ZGPAT: variants seen among roughly 807,000 people sequenced by gnomAD.
ZGPAT encodes the protein zinc finger CCCH-type with G patch domain-containing protein.
ZGPAT carries 39 observed loss-of-function variants against 47.9 expected under a neutral mutation model. The observed-to-expected ratio is 0.81, with a 90% CI of 0.63 to 1.06. The LOEUF is 1.06. ZGPAT is among the 50% of genes least tolerant of loss of function. The probability of loss-of-function intolerance (pLI) is 0.00; values close to 1 mark genes in which losing one functional copy is unlikely to be tolerated. For missense variants in ZGPAT, 717 were observed against 681.4 expected (o/e 1.05, Z -0.58); for synonymous variants, 348 against 292.9 (o/e 1.19, Z -1.92).
At position 63,708,941 on chromosome 20, in the gene ZGPAT, G is replaced by T. The variant is rs1215257805; in HGVS notation, c.361G>T (p.Glu121Ter). The change falls in exon 2 of 7, where the codon GAA (glutamate) becomes TAA (stop). Residue 121 changes from glutamate (E) to a stop codon, truncating the protein, a stop_gained. Coordinates refer to ENST00000355969, the MANE Select transcript of ZGPAT (RefSeq NM_181485.3). LOFTEE classifies it high-confidence loss of function. ...ATCTGCGGCAGGTGGGCAGGAGGAG[G>T]AAGAGGGAGAGGACGAGGAAGAGCT... ...PESAAGGQEEEEGEDEEELSG... is the reference protein window; with the variant it reads ...PESAAGGQEE 6.2e-7 allele frequency: 1 copy of T among 1,613,008 alleles called. No individual in the cohort carries two copies.
rs569321240 is a variant in ZGPAT at position 63,733,598 on chromosome 20, G to T, written c.730G>T (p.Gly244Cys). Residue 244 changes from glycine (G) to cysteine (C), a missense_variant, in exon 4 of 7, where the codon GGC becomes TGC. Coordinates refer to ENST00000355969, the MANE Select transcript of ZGPAT (RefSeq NM_181485.3). ...GTCTCTGCCCCCAGATGTGGACAAC[G>T]GCTACTACACAGTCAAGTTTGACTC... Reference protein sequence around the residue: ...HAARITDVDNGYYTVKFDSLL... With the variant: ...HAARITDVDNCYYTVKFDSLL... The T allele has an allele frequency of 3.7e-6, 6 of 1,614,122 alleles. No individual in the cohort carries two copies. The highest frequency in any genetic ancestry group is 1.7e-5 in the Admixed American group (1 of 60,022).
Position 63,735,716 on chromosome 20 carries a change from G to A in ZGPAT, c.1398-65G>A, listed in dbSNP as rs1043735945. On this transcript the variant is annotated intron_variant, in intron 6 of 6. Coordinates refer to ENST00000355969, the MANE Select transcript of ZGPAT (RefSeq NM_181485.3). ...CGGGCAGCGGGCACACAGGCAGTGG[G>A]TACGGCAGACTGGGGTTGGTGGCAT... 4.3e-5 allele frequency: 67 copies of A among 1,551,136 alleles called. 1 individual carries two copies. In the South Asian group the frequency reaches 7.0e-4, roughly 16 times the overall value.
chr20:63,708,874 G>T lies in ZGPAT; in HGVS notation c.294G>T (p.Gly98=), dbSNP rs1304500238. 6.2e-7 allele frequency: 1 copy of T among 1,610,760 alleles called. No homozygotes were observed. The highest frequency in any genetic ancestry group is 8.5e-7 in the Non-Finnish European group (1 of 1,178,736). The change falls in exon 2 of 7, where the codon GGG becomes GGT. Residue 98 remains glycine (G), a synonymous_variant. Transcript: ENST00000355969. ...TGGAGGCACCAGCAGCGGCCCGTGGGTCCGGATCAGAGACCGTTCCTAAAG... is the reference window on the plus strand; with the variant it reads ...TGGAGGCACCAGCAGCGGCCCGTGGTTCCGGATCAGAGACCGTTCCTAAAG... ...EAVEAPAAAR[G]SGSETVPKAE... is the part of the protein sequence containing the mutation.
chr20:63,727,140 C>G (rs1164422553), intron 2 of ZGPAT, among the ~76,000 whole-genome samples: 1 of 152,144 alleles, frequency 6.6e-6, no homozygotes, highest in Non-Finnish European at 1.5e-5. Context: ...ATTCTCTGTA[C>G]TTTACCTGTT....
chr20:63,728,881 C>T (rs1226854505), intron 2 of ZGPAT, among the ~76,000 whole-genome samples: 2 of 152,184 alleles, frequency 1.3e-5, no homozygotes, highest in African/African-American at 2.4e-5. Context: ...AGGCTGTAGA[C>T]TTCCCAGTAT....
chr20:63,715,201 G>A (rs2091713854), intron 2 of ZGPAT, among the ~76,000 whole-genome samples: 1 of 151,462 alleles, frequency 6.6e-6, no homozygotes, highest in East Asian at 1.9e-4. Flanking sequence ...GAAAGCGCTG[G>A]GATTATAGGC....
chr20:63,709,216 C>T, intron 2 of ZGPAT, 52 bp downstream of exon 2: 6 of 1,589,668 alleles, frequency 3.8e-6, no homozygotes, highest in Non-Finnish European at 5.1e-6. Flanking sequence ...GGGGCACGCA[C>T]ACAGGGTCGG....
intron 2 of ZGPAT, among the ~76,000 whole-genome samples, chr20:63,711,218 C>T (rs1029566255): frequency 7.2e-5 from 11 of 152,068 alleles, no homozygotes; most frequent in Non-Finnish European, 2.9e-5. Flanking sequence ...TTTGTAGAGA[C>T]GGGATTTCAC....
At chr20:63,714,381 A>G (rs968321348) in intron 2 of ZGPAT, among the ~76,000 whole-genome samples, 3 of 150,042 alleles carry the variant, frequency 2.0e-5, no homozygotes, top group Admixed American at 6.7e-5. Flanking sequence ...AGCCAAGATC[A>G]TGCCACTCCA....
intron 2 of ZGPAT, among the ~76,000 whole-genome samples, chr20:63,714,883 A>G (rs2091710499): frequency 1.3e-5 from 2 of 152,082 alleles, no homozygotes; most frequent in Middle Eastern, 3.4e-3. Context: ...GGCTCAAGCA[A>G]TCCTGCCTCA....
At chr20:63,732,411 T>TGTGTGGGTGAGGGCCTGTGTGTGC (rs1568799636) in intron 2 of ZGPAT, among the ~76,000 whole-genome samples, 15 of 30,952 alleles carry the variant, frequency 4.8e-4, no homozygotes, top group African/African-American at 1.8e-3. Flanking sequence ...TGTGTGTGCG[T>TGTGTGGGTGAGGGCCTGTGTGTGC]GTGTGTGGGT....
intron 2 of ZGPAT, among the ~76,000 whole-genome samples, chr20:63,722,063 G>GC (rs2091794531): frequency 1.3e-5 from 2 of 151,700 alleles, no homozygotes; most frequent in Admixed American, 1.3e-4. Flanking sequence ...CCTGGAGGCT[G>GC]CCCCAGCCCT....
chr20:63,724,537 C>A (rs1237095865), intron 2 of ZGPAT, among the ~76,000 whole-genome samples: 1 of 151,892 alleles, frequency 6.6e-6, no homozygotes, highest in Non-Finnish European at 1.5e-5. Context: ...GAAAGAAATT[C>A]AAAGAGAAAA....
At chr20:63,732,364 CAGGG>C (rs2091917664) in intron 2 of ZGPAT, among the ~76,000 whole-genome samples, 2 of 30,006 alleles carry the variant, frequency 6.7e-5, no homozygotes, top group East Asian at 6.2e-4. Flanking sequence ...GTGCATGTGT[CAGGG>C]TGTGTGTGCG....
intron 2 of ZGPAT, among the ~76,000 whole-genome samples, chr20:63,714,792 G>A (rs892071702): frequency 6.6e-6 from 1 of 151,930 alleles, no homozygotes; most frequent in East Asian, 1.9e-4. Context: ...ACAGGCATGA[G>A]CCACCATGCC....
chr20:63,730,811 CT>C (rs2091890005), intron 2 of ZGPAT, among the ~76,000 whole-genome samples: 1 of 152,054 alleles, frequency 6.6e-6, no homozygotes, highest in Non-Finnish European at 1.5e-5. Context: ...GTTGAAAGAA[CT>C]TCCTTTTTGA....
chr20:63,735,193 C>T lies in ZGPAT; in HGVS notation c.1026C>T (p.Pro342=), dbSNP rs750495085. The T allele has an allele frequency of 1.3e-6, 2 of 1,539,064 alleles. No individual in the cohort carries two copies. Among genetic ancestry groups the T allele is most frequent in the African/African-American group, 2.8e-5 (2 of 72,548 alleles). ...GACACGCGGAAGGCCGGGTGGAGCC[C>T]ATCCATGCTGTGGTGTTGCCTCGAG... ...LGRHAEGRVE[P]IHAVVLPRGK... The change falls in exon 6 of 7, where the codon CCC becomes CCT. Residue 342 remains proline, a synonymous_variant. Coordinates refer to ENST00000355969, the MANE Select transcript of ZGPAT (RefSeq NM_181485.3).
In ZGPAT at chr20:63,735,222, A is replaced by G. The variant is rs1048653003; in HGVS notation, c.1055A>G (p.Lys352Arg). 9 of 1,572,656 alleles carry G rather than the reference A, an allele frequency of 5.7e-6. No individual in the cohort carries two copies. The Middle Eastern group carries it at 5.1e-4, about 90-fold the overall frequency. The change falls in exon 6 of 7, where the codon AAG (lysine) becomes AGG (arginine). Residue 352 changes from lysine (K) to arginine (R), a missense_variant. Physicochemically the swap from Lys to Arg is conservative, Grantham distance 26. Coordinates refer to ENST00000355969, the MANE Select transcript of ZGPAT (RefSeq NM_181485.3). ...PIHAVVLPRG[K>R]SLDQCVETLQ... Reference sequence around the variant, plus strand: ...CATGCTGTGGTGTTGCCTCGAGGGAAGTCGCTGGACCAGTGTGTGGAGACC... The same window carrying G: ...CATGCTGTGGTGTTGCCTCGAGGGAGGTCGCTGGACCAGTGTGTGGAGACC...
chr20:63,708,922 G>A lies in ZGPAT; in HGVS notation c.342G>A (p.Ala114=). 1.2e-6 allele frequency: 2 copies of A among 1,612,576 alleles called. No homozygotes were observed. The highest frequency in any genetic ancestry group is 1.7e-6 in the Non-Finnish European group (2 of 1,179,778). ...VPKAEAGPES[A]AGGQEEEEGE... is the part of the protein sequence containing the mutation. ...AAGCAGAGGCGGGGCCAGAATCTGCGGCAGGTGGGCAGGAGGAGGAAGAGG... is the reference window on the plus strand; with the variant it reads ...AAGCAGAGGCGGGGCCAGAATCTGCAGCAGGTGGGCAGGAGGAGGAAGAGG... The change falls in exon 2 of 7, where the codon GCG becomes GCA. Residue 114 remains alanine, a synonymous_variant. Coordinates refer to ENST00000355969, the MANE Select transcript of ZGPAT (RefSeq NM_181485.3).
Sources: allele counts gnomAD v4.1 joint callset (sites outside exome capture counted in the v4.1 genomes callset), GRCh38; gene constraint gnomAD v4.1.1; transcripts MANE v1.5; gene names NCBI Gene and HGNC (gene_info 2026-07-23, HGNC 2026-07-21).